MMS22L: variants seen among roughly 807,000 people sequenced by gnomAD.
MMS22L encodes protein MMS22-like.
A neutral mutation model predicts 159.1 loss-of-function variants in MMS22L; 74 were observed. The ratio of observed to expected loss-of-function variants is 0.47; its 90% CI spans 0.39 to 0.56. The LOEUF is 0.56. MMS22L is among the 20% of genes least tolerant of loss of function. The pLI is 0.00. For missense variants in MMS22L, 1,351 were observed against 1,422.1 expected (o/e 0.95, Z 0.80); for synonymous variants, 517 against 506.9 (o/e 1.02, Z -0.27).
intron 19 of MMS22L, among the ~76,000 whole-genome samples, chr6:97,170,030 T>C (rs1803365557): frequency 6.6e-6 from 1 of 152,196 alleles, no homozygotes; most frequent in Non-Finnish European, 1.5e-5. Flanking sequence ...TATTAGAGTC[T>C]ATTGTCACAA....
At chr6:97,217,032 G>A (rs1340626227) in intron 14 of MMS22L, among the ~76,000 whole-genome samples, 2 of 151,868 alleles carry the variant, frequency 1.3e-5, no homozygotes, top group Non-Finnish European at 2.9e-5. Context: ...CTGTTTTACA[G>A]TGTTCTTTCT....
Position 97,229,304 on chromosome 6 carries a change from C to T in MMS22L, c.1629G>A (p.Glu543=), listed in dbSNP as rs1810598152. ...AAACATGACTTGCAACATCTTCTAC[C>T]TCTGCAACAGCTGCTAACAGTAGAA... ...SLFLLLAAVA[E]VEDVASHVLD... The change falls in exon 14 of 25, where the codon GAG becomes GAA. Residue 543 remains glutamate, a synonymous_variant. Coordinates refer to ENST00000683635, the MANE Select transcript of MMS22L (RefSeq NM_001350599.2). 3.1e-6 allele frequency: 5 copies of T among 1,614,120 alleles called. No individual in the cohort carries two copies. The highest frequency in any genetic ancestry group is 4.2e-6 in the Non-Finnish European group (5 of 1,180,006).
At chr6:97,188,642 A>T (rs1805508009) in intron 14 of MMS22L, among the ~76,000 whole-genome samples, 2 of 152,106 alleles carry the variant, frequency 1.3e-5, no homozygotes, top group African/African-American at 2.4e-5. Context: ...CACATACACA[A>T]GTTTTAAGTG....
intron 11 of MMS22L, among the ~76,000 whole-genome samples, chr6:97,236,938 G>A (rs1424598295): frequency 1.3e-5 from 2 of 148,742 alleles, no homozygotes; most frequent in Non-Finnish European, 3.0e-5. Context: ...GTGACAGAGC[G>A]AGACTCCGCC....
chr6:97,211,588 A>G (rs543624703), intron 14 of MMS22L, among the ~76,000 whole-genome samples: 274 of 152,270 alleles, frequency 1.8e-3, no homozygotes, highest in Non-Finnish European at 3.3e-3. Context: ...GCATGTACAT[A>G]AACTTTTTAA....
At chr6:97,192,775 T>C (rs1806029508) in intron 14 of MMS22L, among the ~76,000 whole-genome samples, 1 of 152,218 alleles carries the variant, frequency 6.6e-6, no homozygotes, top group Admixed American at 6.5e-5. Context: ...AAAAACTGTT[T>C]AATGATAATA....
chr6:97,146,480 C>T lies in MMS22L; in HGVS notation c.*326G>A, dbSNP rs565261041. 4.3e-4 allele frequency: 71 copies of T among 166,724 alleles called. 1 individual carries two copies. Among genetic ancestry groups the T allele is most frequent in the African/African-American group, 1.5e-3 (65 of 41,952 alleles). The allele number at this position is 166,724 out of a possible 1,614,324, so 10.3% of individuals were successfully genotyped here. On this transcript the variant is annotated 3_prime_UTR_variant, in exon 25 of 25. Transcript: ENST00000683635. Reference sequence around the variant, plus strand: ...GGCAGGGAGGCAGGAAGTCATACTACAACAAAAAGTCTATGGATGAAGTAT... The same window carrying T: ...GGCAGGGAGGCAGGAAGTCATACTATAACAAAAAGTCTATGGATGAAGTAT...
chr6:97,192,574 C>T (rs1012868064), intron 14 of MMS22L, among the ~76,000 whole-genome samples: 2 of 152,202 alleles, frequency 1.3e-5, no homozygotes, highest in Admixed American at 6.5e-5. Context: ...ACTACTGCTT[C>T]TAAATCCTAA....
intron 10 of MMS22L, chr6:97,253,336 G>T (rs1026635325): frequency 2.0e-5 from 3 of 152,042 alleles, no homozygotes; most frequent in Admixed American, 1.3e-4. Flanking sequence ...GCCTATTAAA[G>T]AATATGTTTC....
At chr6:97,234,031 A>T in intron 11 of MMS22L, 51 bp from the exon 12 acceptor site, 2 of 1,573,438 alleles carry the variant, frequency 1.3e-6, no homozygotes, top group Non-Finnish European at 1.7e-6. Context: ...TGGCAATATA[A>T]ACATTTTCAC....
intron 14 of MMS22L, among the ~76,000 whole-genome samples, chr6:97,196,089 T>A (rs1005957127): frequency 6.6e-6 from 1 of 152,138 alleles, no homozygotes; most frequent in African/African-American, 2.4e-5. Context: ...ACAATCAGAC[T>A]CAGGAATCAT....
At chr6:97,227,741 G>C (rs539771983) in intron 14 of MMS22L, among the ~76,000 whole-genome samples, 1 of 152,242 alleles carries the variant, frequency 6.6e-6, no homozygotes, top group East Asian at 1.9e-4. Context: ...GTTTATCTTT[G>C]GACATGATTT....
rs139939111 is a variant in MMS22L at position 97,263,468 on chromosome 6, T to C, written c.829-20A>G. Reference sequence around the variant, plus strand: ...CCTAACCTATAGAAAATAACCAAAATGTGTTATTTATAAGACAGCAGCAGA... The same window carrying C: ...CCTAACCTATAGAAAATAACCAAAACGTGTTATTTATAAGACAGCAGCAGA... On this transcript the variant is annotated intron_variant, in intron 8 of 24. Coordinates refer to ENST00000683635, the MANE Select transcript of MMS22L (RefSeq NM_001350599.2). The C allele has an allele frequency of 3.7e-5, 49 of 1,339,414 alleles. No homozygotes were observed. In the African/African-American group the frequency reaches 6.5e-4, roughly 18 times the overall value. 83.0% of individuals were successfully genotyped at this position (1,339,414 alleles called of 1,614,324 possible). A position where few individuals can be genotyped will look rare whatever the true frequency, so the allele number is the denominator to read the frequency against.
At chr6:97,237,131 G>A (rs543099611) in intron 11 of MMS22L, among the ~76,000 whole-genome samples, 22 of 152,198 alleles carry the variant, frequency 1.4e-4, no homozygotes, top group Middle Eastern at 3.4e-3. Context: ...AAAGAAAAAT[G>A]AAAAGTGAAA....
chr6:97,205,639 A>G (rs897800097), intron 14 of MMS22L, among the ~76,000 whole-genome samples: 3 of 152,218 alleles, frequency 2.0e-5, no homozygotes, highest in Non-Finnish European at 4.4e-5. Context: ...TGGTGTGAAG[A>G]TTCTACTATA....
chr6:97,241,158 G>A (rs1180256595), intron 11 of MMS22L, among the ~76,000 whole-genome samples: 1 of 152,202 alleles, frequency 6.6e-6, no homozygotes, highest in South Asian at 2.1e-4. Context: ...TTTTAAGGCT[G>A]AGTAGTATTC....
chr6:97,284,001 A>G (rs1582897492), upstream of MMS22L, among the ~76,000 whole-genome samples: 1 of 152,230 alleles, frequency 6.6e-6, no homozygotes, highest in East Asian at 1.9e-4. Flanking sequence ...AATTAAAATG[A>G]AAACACTAAA....
chr6:97,240,818 A>T (rs1161515651), intron 11 of MMS22L, among the ~76,000 whole-genome samples: 2 of 151,794 alleles, frequency 1.3e-5, no homozygotes, highest in Non-Finnish European at 2.9e-5. Context: ...GTAGAGACAG[A>T]GTTTCACCAT....
At chr6:97,211,569 G>A (rs1014739604) in intron 14 of MMS22L, among the ~76,000 whole-genome samples, 6 of 152,070 alleles carry the variant, frequency 3.9e-5, no homozygotes, top group Non-Finnish European at 7.4e-5. Flanking sequence ...TGTAGCATCC[G>A]TGTTGTTAGC....
Sources: allele counts gnomAD v4.1 joint callset (sites outside exome capture counted in the v4.1 genomes callset), GRCh38; gene constraint gnomAD v4.1.1; transcripts MANE v1.5; gene names NCBI Gene and HGNC (gene_info 2026-07-23, HGNC 2026-07-21).